Variants in CLIP4 observed in about 807,000 individuals in gnomAD.
The protein encoded by CLIP4 is CAP-Gly domain containing linker protein family member 4, also known as CAP-Gly domain-containing linker protein 4.
A neutral mutation model predicts 73.1 loss-of-function variants in CLIP4; 47 were observed. The ratio of observed to expected loss-of-function variants is 0.64; its 90% CI spans 0.51 to 0.82. The LOEUF (loss-of-function observed/expected upper bound fraction) is 0.82, where lower values mean the gene tolerates loss of function less well. Ranked by LOEUF, CLIP4 falls within the 40% of genes least tolerant of loss-of-function variation. The pLI, the probability that CLIP4 is intolerant of heterozygous loss-of-function variation, is 0.00. For missense variants in CLIP4, 874 were observed against 852.9 expected, an observed-to-expected ratio of 1.02 and a Z score of -0.31; for synonymous variants, 306 against 295.4, an observed-to-expected ratio of 1.04 and a Z score of -0.37.
At chr2:29,136,383 A>T (rs1169676286) in intron 6 of CLIP4, among the ~76,000 whole-genome samples, 1 of 151,824 alleles carries the variant, frequency 6.6e-6, no homozygotes, top group African/African-American at 2.4e-5. Flanking sequence ...CTTCTTTGCC[A>T]GTTTTCTTTC....
intron 9 of CLIP4, among the ~76,000 whole-genome samples, chr2:29,155,689 A>G (rs545140856): frequency 6.6e-6 from 1 of 152,166 alleles, no homozygotes; most frequent in African/African-American, 2.4e-5. Flanking sequence ...CACCCTCTTC[A>G]TTCAGTTTCT....
chr2:29,112,467 A>G (rs2148443539), upstream of CLIP4, among the ~76,000 whole-genome samples: 1 of 152,158 alleles, frequency 6.6e-6, no homozygotes, highest in Middle Eastern at 3.4e-3. Flanking sequence ...TAATTCCTGG[A>G]TATTATGCTT....
intron 15 of CLIP4, chr2:29,175,656 C>T (rs1668282743): frequency 6.6e-6 from 1 of 152,136 alleles, no homozygotes; most frequent in South Asian, 2.1e-4. Flanking sequence ...CAGTACTTCC[C>T]TGTTTTCTCT....
intron 2 of CLIP4, chr2:29,130,873 A>T (rs1375600058): frequency 7.7e-7 from 1 of 1,290,470 alleles, no homozygotes. Context: ...ATGCTGTTAC[A>T]ATCTGAGCTC....
intron 12 of CLIP4, among the ~76,000 whole-genome samples, chr2:29,161,678 G>A (rs1667300819): frequency 6.6e-6 from 1 of 152,190 alleles, no homozygotes; most frequent in Non-Finnish European, 1.5e-5. Context: ...GAGCGAGCCA[G>A]GTGTCACCTG....
intron 9 of CLIP4, among the ~76,000 whole-genome samples, chr2:29,153,520 A>G (rs534766734): frequency 1.3e-5 from 2 of 151,718 alleles, no homozygotes; most frequent in Non-Finnish European, 2.9e-5. Flanking sequence ...ATACCACCCA[A>G]TTGTTATTTG....
chr2:29,110,228 C>G (rs1054195620), intron 1 of CLIP4, among the ~76,000 whole-genome samples: 1 of 152,172 alleles, frequency 6.6e-6, no homozygotes, highest in African/African-American at 2.4e-5. Context: ...TCGTGCGGCT[C>G]AATGGAGTCC....
intron 7 of CLIP4, 34 bp downstream of exon 7, chr2:29,143,979 G>A: frequency 6.4e-7 from 1 of 1,573,812 alleles, no homozygotes. Context: ...TGAAGCCAGG[G>A]TTGTTATGTC....
At chr2:29,124,912 G>A (rs1002428674) in intron 2 of CLIP4, among the ~76,000 whole-genome samples, 3 of 152,026 alleles carry the variant, frequency 2.0e-5, no homozygotes, top group Non-Finnish European at 4.4e-5. Context: ...CCTGATTATG[G>A]GTCATGTTTT....
intron 2 of CLIP4, among the ~76,000 whole-genome samples, chr2:29,122,898 T>TTCCCCAC (rs887442399): frequency 6.6e-6 from 1 of 152,028 alleles, no homozygotes; most frequent in Admixed American, 6.6e-5. Flanking sequence ...TTATGAACCT[T>TTCCCCAC]TCCCCACTCA....
chr2:29,130,410 T>C (rs564527000), intron 2 of CLIP4, among the ~76,000 whole-genome samples: 6 of 152,322 alleles, frequency 3.9e-5, no homozygotes, highest in African/African-American at 7.2e-5. Flanking sequence ...ACAGCTTAAT[T>C]CTCACTGGTT....
intron 1 of CLIP4, among the ~76,000 whole-genome samples, chr2:29,104,075 C>A (rs1379814912): frequency 6.6e-6 from 1 of 152,154 alleles, no homozygotes; most frequent in African/African-American, 2.4e-5. Flanking sequence ...AAGCCCTAAA[C>A]ATCTGACTTC....
At chr2:29,111,680 T>C (rs1668389764), upstream of CLIP4, among the ~76,000 whole-genome samples, 1 of 152,252 alleles carries the variant, frequency 6.6e-6, no homozygotes, top group African/African-American at 2.4e-5. Context: ...TTTCAGATAT[T>C]AATCCCTAGT....
At position 29,145,063 on chromosome 2, in the gene CLIP4, A is replaced by C. The variant is rs115590199; in HGVS notation, c.886-169A>C. On this transcript the variant is annotated intron_variant, in intron 7 of 15. Coordinates refer to ENST00000320081, the MANE Select transcript of CLIP4 (RefSeq NM_024692.6). ...ATGTTCCTGGCTCTGAAGTGAGAGCAAGGAACATTACCAAGCATAAAAAGG... is the reference window on the plus strand; with the variant it reads ...ATGTTCCTGGCTCTGAAGTGAGAGCCAGGAACATTACCAAGCATAAAAAGG... Among the ~76,000 whole-genome samples the C allele has an allele frequency of 5.0e-3, 760 of 152,072 alleles. 8 individuals carry two copies. The highest frequency in any genetic ancestry group is 0.017 in the African/African-American group (686 of 41,442).
Position 29,159,981 on chromosome 2 carries a change from C to G in CLIP4, c.1400-352C>G, listed in dbSNP as rs79265757. On this transcript the variant is annotated intron_variant, in intron 11 of 15. Coordinates refer to ENST00000320081, the MANE Select transcript of CLIP4 (RefSeq NM_024692.6). The stretch of plus-strand genomic sequence containing the variant: ...TAGCAAATCCTAACATATTTACTGT[C>G]CAGCAATTTGCAGAAACAGTTTGCT... 9.9e-3 allele frequency among the ~76,000 whole-genome samples: 1,508 copies of G among 152,326 alleles called. 21 individuals are homozygous for G. The highest frequency in any genetic ancestry group is 0.034 in the African/African-American group (1,405 of 41,568).
At position 29,152,694 on chromosome 2, in the gene CLIP4, C is replaced by T. The variant is rs1302877270; in HGVS notation, c.1031C>T (p.Ala344Val). The T allele has an allele frequency of 3.7e-6, 6 of 1,611,828 alleles. No individual in the cohort carries two copies. The highest frequency in any genetic ancestry group is 3.4e-5 in the Admixed American group (2 of 59,612). Residue 344 changes from alanine to valine, a missense_variant, in exon 9 of 16, where the codon GCA (alanine) becomes GTA (valine). Physicochemically the swap from Ala to Val is moderately conservative, Grantham distance 64. Transcript: ENST00000320081. ...FKCAPKYGIFAPLSKISKAKG... is the reference protein window; with the variant it reads ...FKCAPKYGIFVPLSKISKAKG... ...CTGCATTCTCCCTTAGGTATTTTTGCACCTCTTTCAAAGATAAGTAAAGCA... is the reference window on the plus strand; with the variant it reads ...CTGCATTCTCCCTTAGGTATTTTTGTACCTCTTTCAAAGATAAGTAAAGCA...
intron 6 of CLIP4, among the ~76,000 whole-genome samples, chr2:29,135,922 A>G (rs1665321299): frequency 6.6e-6 from 1 of 152,168 alleles, no homozygotes; most frequent in African/African-American, 2.4e-5. Flanking sequence ...ATCTTTAAGT[A>G]TCTTTCATTT....
At chr2:29,167,590 T>G (rs1196775898) in intron 14 of CLIP4, 50 bp downstream of exon 14, 2 of 1,442,302 alleles carry the variant, frequency 1.4e-6, no homozygotes, top group Non-Finnish European at 1.9e-6. Context: ...TTGCTTTCAT[T>G]TATTGAAAAA....
intron 15 of CLIP4, among the ~76,000 whole-genome samples, chr2:29,174,900 T>G (rs572273180): frequency 6.6e-6 from 1 of 152,310 alleles, no homozygotes; most frequent in African/African-American, 2.4e-5. Context: ...TTTGTTTTGT[T>G]GCAGAGAGAA....
Sources: gnomAD v4.1 joint callset for allele counts (sites outside exome capture counted in the v4.1 genomes callset) on GRCh38, gnomAD v4.1.1 for gene constraint, MANE v1.5 for transcripts, NCBI Gene and HGNC (gene_info 2026-07-23, HGNC 2026-07-21) for gene names.